ADAMTS12: variants seen among roughly 807,000 people sequenced by gnomAD.
The protein encoded by ADAMTS12 is ADAM metallopeptidase with thrombospondin type 1 motif 12, also known as A disintegrin and metalloproteinase with thrombospondin motifs 12.
ADAMTS12 carries 118 observed loss-of-function variants against 167.8 expected under a neutral mutation model. The observed-to-expected ratio is 0.70, with a 90% CI of 0.61 to 0.82. The LOEUF is 0.82. Ranked by LOEUF, ADAMTS12 falls within the 40% of genes least tolerant of loss-of-function variation. The pLI, the probability that ADAMTS12 is intolerant of heterozygous loss-of-function variation, is 0.00. For missense variants in ADAMTS12, 1,916 were observed against 1,998.8 expected, an observed-to-expected ratio of 0.96 and a Z score of 0.79; for synonymous variants, 704 against 716.9, an observed-to-expected ratio of 0.98 and a Z score of 0.29.
intron 2 of ADAMTS12, among the ~76,000 whole-genome samples, chr5:33,846,356 TCA>T (rs1748944570): frequency 6.6e-6 from 1 of 152,220 alleles, no homozygotes; most frequent in Admixed American, 6.5e-5. Context: ...CATCAGGCTT[TCA>T]CAGTGATTCA....
chr5:33,744,510 T>A (rs1291082544), intron 3 of ADAMTS12, among the ~76,000 whole-genome samples: 1 of 152,076 alleles, frequency 6.6e-6, no homozygotes. Context: ...GGGAAAGATA[T>A]GATTTGATTT....
chr5:33,729,410 A>G (rs1308026185), intron 3 of ADAMTS12, among the ~76,000 whole-genome samples: 1 of 152,236 alleles, frequency 6.6e-6, no homozygotes, highest in Non-Finnish European at 1.5e-5. Context: ...GCTGCATCTT[A>G]TTGGTTGAGC....
chr5:33,704,115 G>T (rs1018392065), intron 3 of ADAMTS12, among the ~76,000 whole-genome samples: 1 of 152,162 alleles, frequency 6.6e-6, no homozygotes, highest in Non-Finnish European at 1.5e-5. Flanking sequence ...TCTACAGAAT[G>T]AGTTGTTGTT....
At chr5:33,673,126 C>T (rs1477947316) in intron 5 of ADAMTS12, among the ~76,000 whole-genome samples, 2 of 152,154 alleles carry the variant, frequency 1.3e-5, no homozygotes, top group African/African-American at 2.4e-5. Context: ...CCTCTTCTTT[C>T]GAGATTCTTA....
At chr5:33,574,651 G>A (rs1193752109) in intron 19 of ADAMTS12, among the ~76,000 whole-genome samples, 3 of 151,782 alleles carry the variant, frequency 2.0e-5, no homozygotes, top group Non-Finnish European at 4.4e-5. Context: ...AATGCTAAAC[G>A]ACGAATTAAT....
intron 5 of ADAMTS12, among the ~76,000 whole-genome samples, chr5:33,671,439 T>C (rs1219197273): frequency 6.6e-6 from 1 of 152,154 alleles, no homozygotes; most frequent in Non-Finnish European, 1.5e-5. Context: ...TGAAGGGTAA[T>C]AGGAATTTCT....
chr5:33,828,676 T>G (rs1266417953), intron 2 of ADAMTS12, among the ~76,000 whole-genome samples: 1 of 152,182 alleles, frequency 6.6e-6, no homozygotes, highest in Non-Finnish European at 1.5e-5. Context: ...AGTTTTATTT[T>G]TCTCCATATT....
chr5:33,578,904 T>G (rs1441173136), intron 18 of ADAMTS12, among the ~76,000 whole-genome samples: 1 of 152,182 alleles, frequency 6.6e-6, no homozygotes, highest in East Asian at 1.9e-4. Flanking sequence ...TTAAAGCAAG[T>G]CACTCCAAGA....
chr5:33,836,667 G>A (rs1402461952), intron 2 of ADAMTS12, among the ~76,000 whole-genome samples: 1 of 152,098 alleles, frequency 6.6e-6, no homozygotes, highest in African/African-American at 2.4e-5. Context: ...GTAAGGCAGA[G>A]ACTGACCCAG....
chr5:33,835,937 CTCTCTCTCTCTCTCTCTGTGTGTGTG>C lies in ADAMTS12; in HGVS notation c.489+45156_489+45181del, dbSNP rs1468250535. Among the ~76,000 whole-genome samples the C allele has an allele frequency of 1.1e-4, 11 of 99,760 alleles. No homozygotes were observed. The East Asian group carries it at 2.6e-3, about 24-fold the overall frequency. 65.4% of individuals were successfully genotyped at this position (99,760 alleles called of 152,430 possible). ...TCTCTCTCTCTCTCTCTCTCTCTCTCTCTCTCTCTCTCTCTCTGTGTGTGTGTGTGTGTCCATCTGGGCAGTTTATG... is the reference window on the plus strand; with the variant it reads ...TCTCTCTCTCTCTCTCTCTCTCTCTCTGTGTGTCCATCTGGGCAGTTTATG... On this transcript the variant is annotated intron_variant, in intron 2 of 23. Coordinates refer to ENST00000504830, the MANE Select transcript of ADAMTS12 (RefSeq NM_030955.4).
At chr5:33,590,901 T>C (rs1325403887) in intron 17 of ADAMTS12, among the ~76,000 whole-genome samples, 3 of 148,304 alleles carry the variant, frequency 2.0e-5, no homozygotes, top group Non-Finnish European at 4.5e-5. Context: ...CTTCTTCCTT[T>C]TTTTTTTTTT....
At chr5:33,696,084 G>A (rs1036277582) in intron 3 of ADAMTS12, among the ~76,000 whole-genome samples, 9 of 152,090 alleles carry the variant, frequency 5.9e-5, no homozygotes, top group African/African-American at 2.2e-4. Context: ...TTCAGTACTT[G>A]TAATTGGAGT....
chr5:33,854,223 C>T (rs1197293041), intron 2 of ADAMTS12, among the ~76,000 whole-genome samples: 1 of 152,182 alleles, frequency 6.6e-6, no homozygotes, highest in African/African-American at 2.4e-5. Flanking sequence ...TCAATGGGGA[C>T]ATTTTCAAAA....
chr5:33,772,927 G>T (rs754390903), intron 2 of ADAMTS12, among the ~76,000 whole-genome samples: 2 of 152,228 alleles, frequency 1.3e-5, no homozygotes, highest in Non-Finnish European at 2.9e-5. Context: ...AAAAGAGAAA[G>T]AAATCAATTC....
At chr5:33,849,291 T>C (rs184884933) in intron 2 of ADAMTS12, among the ~76,000 whole-genome samples, 1 of 123,062 alleles carries the variant, frequency 8.1e-6, no homozygotes, top group Non-Finnish European at 1.7e-5. Flanking sequence ...ATGTATTGCA[T>C]AGCAATATAT....
intron 12 of ADAMTS12, among the ~76,000 whole-genome samples, chr5:33,635,511 A>C (rs1258378278): frequency 6.6e-6 from 1 of 152,198 alleles, no homozygotes; most frequent in Admixed American, 6.5e-5. Context: ...ATCTCTAAAA[A>C]TTGGGTCAAA....
Position 33,770,840 on chromosome 5 carries a change from CTCCTCCTCCTCT to C in ADAMTS12, c.490-19304_490-19293del, listed in dbSNP as rs541705158. On this transcript the variant is annotated intron_variant, in intron 2 of 23. Transcript: ENST00000504830. ...CCTTCCTCTTCTTCTTCCTCTTCCC[CTCCTCCTCCTCT>C]TCCTCCTCCTCCTCCTCTATTTTTT... Among the ~76,000 whole-genome samples, 575 of 119,770 alleles carry C rather than the reference CTCCTCCTCCTCT, an allele frequency of 4.8e-3. 3 individuals carry two copies. Among genetic ancestry groups the C allele is most frequent in the African/African-American group, 0.015 (551 of 36,976 alleles). The allele number at this position is 119,770 out of a possible 152,430, so 78.6% of individuals were successfully genotyped here.
At chr5:33,579,876 G>C (rs1746968861) in intron 18 of ADAMTS12, among the ~76,000 whole-genome samples, 1 of 152,116 alleles carries the variant, frequency 6.6e-6, no homozygotes, top group Non-Finnish European at 1.5e-5. Context: ...ATAACAAAAG[G>C]CTTGGGGTTC....
chr5:33,665,435 A>C (rs532795651), intron 5 of ADAMTS12, among the ~76,000 whole-genome samples: 3 of 152,330 alleles, frequency 2.0e-5, no homozygotes, highest in South Asian at 4.1e-4. Context: ...TGTATGCGTT[A>C]ATTAGCCTGA....
Sources: allele counts gnomAD v4.1 joint callset (sites outside exome capture counted in the v4.1 genomes callset), GRCh38; gene constraint gnomAD v4.1.1; transcripts MANE v1.5; gene names NCBI Gene and HGNC (gene_info 2026-07-23, HGNC 2026-07-21).